UBE2Z: variants seen among roughly 807,000 people sequenced by gnomAD.
UBE2Z encodes ubiquitin conjugating enzyme E2 Z.
In UBE2Z, 10 loss-of-function variants were observed where a neutral mutation model predicts 32.6. The ratio of observed to expected loss-of-function variants is 0.31; its 90% CI spans 0.19 to 0.52. The LOEUF is 0.52. Among genes scored for constraint, UBE2Z ranks in the 20% least tolerant of loss-of-function variants. The pLI is 0.97. For synonymous variants in UBE2Z, 183 were observed against 190.8 expected (o/e 0.96, Z 0.34); for missense variants, 343 against 480.9 (o/e 0.71, Z 2.68).
At chr17:48,908,893 C>T (rs1341581841) in intron 1 of UBE2Z, 73 bp downstream of exon 1, 32 of 1,075,958 alleles carry the variant, frequency 3.0e-5, no homozygotes, top group Non-Finnish European at 3.6e-5. Flanking sequence ...CCCTCTCCCA[C>T]TACAACTCAC....
chr17:48,921,460 G>T (rs1232422201), intron 5 of UBE2Z, among the ~76,000 whole-genome samples, 188 bp downstream of exon 5: 1 of 152,062 alleles, frequency 6.6e-6, no homozygotes, highest in Non-Finnish European at 1.5e-5. Flanking sequence ...TGTTGTTGGA[G>T]AATGCCATGC....
At chr17:48,910,614 T>C (rs1216869535) in intron 1 of UBE2Z, 194 bp from the exon 2 acceptor site, 1 of 480,662 alleles carries the variant, frequency 2.1e-6, no homozygotes, top group East Asian at 3.0e-5. Context: ...TTGATAATAA[T>C]TTGCTCTCTG....
chr17:48,913,499 C>T (rs1343157770), intron 3 of UBE2Z, among the ~76,000 whole-genome samples: 3 of 152,186 alleles, frequency 2.0e-5, no homozygotes, highest in South Asian at 2.1e-4. Context: ...GGGCTACAGG[C>T]GTGCACCACC....
At chr17:48,911,747 T>C (rs1479628582) in intron 2 of UBE2Z, 1 of 152,232 alleles carries the variant, frequency 6.6e-6, no homozygotes, top group African/African-American at 2.4e-5. Flanking sequence ...GCCTAGTACC[T>C]GGGGTCCCAG....
At chr17:48,917,609 A>G (rs2040729831) in intron 4 of UBE2Z, among the ~76,000 whole-genome samples, 1 of 152,214 alleles carries the variant, frequency 6.6e-6, no homozygotes, top group Non-Finnish European at 1.5e-5. Context: ...AGTGCCAACG[A>G]GAAGGTGGAG....
chr17:48,923,307 C>CGA (rs1194570992), intron 6 of UBE2Z, among the ~76,000 whole-genome samples: 1 of 120,422 alleles, frequency 8.3e-6, no homozygotes, highest in Non-Finnish European at 1.6e-5. Context: ...GACAACAGAC[C>CGA]GAGACTCTGT....
intron 6 of UBE2Z, among the ~76,000 whole-genome samples, chr17:48,925,142 A>G (rs977670506): frequency 1.1e-4 from 16 of 151,800 alleles, no homozygotes; most frequent in African/African-American, 3.6e-4. Flanking sequence ...AATTAGCCAG[A>G]TGTAGTGGTG....
intron 4 of UBE2Z, among the ~76,000 whole-genome samples, chr17:48,918,169 C>T (rs933553180): frequency 8.0e-4 from 122 of 151,668 alleles, no homozygotes; most frequent in African/African-American, 2.9e-3. Flanking sequence ...AATTTCGGAC[C>T]TCAGGTGATC....
Position 48,916,151 on chromosome 17 carries a change from T to C in UBE2Z, c.654T>C (p.Thr218=). 1 of 1,583,546 alleles carries C rather than the reference T, an allele frequency of 6.3e-7. No individual in the cohort carries two copies. The highest frequency in any genetic ancestry group is 8.6e-7 in the Non-Finnish European group (1 of 1,167,120). ...TCATCTCTATCCAGTCCCTGATGAC[T>C]GAGAACCCCTATCACAATGAGCCCG... The part of the protein sequence containing the change: ...SVLISIQSLM[T]ENPYHNEPGF... The change falls in exon 4 of 7, where the codon ACT becomes ACC. Residue 218 remains threonine, a synonymous_variant. Transcript: ENST00000360943.
chr17:48,924,698 T>G lies in UBE2Z; in HGVS notation c.894+1761T>G, dbSNP rs138392579. Among the ~76,000 whole-genome samples, 666 of 151,156 alleles carry G rather than the reference T, an allele frequency of 4.4e-3. 2 individuals carry two copies. The highest frequency in any genetic ancestry group is 0.031 in the Middle Eastern group (9 of 286). ...CCATCTCTACTAAAAATACAAAAAT[T>G]AGCCAGGCATGATGGCTCATGCCTG... On this transcript the variant is annotated intron_variant, in intron 6 of 6. Coordinates refer to ENST00000360943, the MANE Select transcript of UBE2Z (RefSeq NM_023079.5).
At chr17:48,922,071 C>G (rs1008628516) in intron 5 of UBE2Z, among the ~76,000 whole-genome samples, 1 of 152,100 alleles carries the variant, frequency 6.6e-6, no homozygotes, top group Non-Finnish European at 1.5e-5. Flanking sequence ...ACTCATAATT[C>G]CTGATGTGTA....
chr17:48,910,592 A>C, intron 1 of UBE2Z: 1 of 444,674 alleles, frequency 2.2e-6, no homozygotes, highest in Non-Finnish European at 4.1e-6. Context: ...CCCCTGAGGA[A>C]ACAATGCCCT....
chr17:48,925,281 CAAAAA>C (rs200181647), intron 6 of UBE2Z, among the ~76,000 whole-genome samples: 4 of 108,276 alleles, frequency 3.7e-5, no homozygotes, highest in African/African-American at 8.2e-5. Flanking sequence ...GACTCCACCT[CAAAAA>C]AAAAAAAAAA....
intron 4 of UBE2Z, among the ~76,000 whole-genome samples, chr17:48,920,411 C>T (rs181099411): frequency 7.9e-5 from 12 of 152,100 alleles, no homozygotes; most frequent in Non-Finnish European, 7.4e-5. Flanking sequence ...ACAGGAGAAT[C>T]GCTTGAACCC....
chr17:48,921,085 T>C (rs944259622), intron 4 of UBE2Z, 75 bp from the exon 5 acceptor site: 2 of 1,215,872 alleles, frequency 1.6e-6, no homozygotes, highest in South Asian at 1.3e-5. Flanking sequence ...TACCCCATAC[T>C]AATCTTGAAG....
At chr17:48,915,996 G>A in intron 3 of UBE2Z, 80 bp from the exon 4 acceptor site, 1 of 811,814 alleles carries the variant, frequency 1.2e-6, no homozygotes, top group Non-Finnish European at 1.9e-6. Flanking sequence ...AGTCACTTAT[G>A]GTGGTGTTGC....
chr17:48,916,274 GAGAC>G lies in UBE2Z; in HGVS notation c.690+91_690+94del, dbSNP rs2040719628. The G allele has an allele frequency of 7.5e-6, 3 of 401,740 alleles. No individual in the cohort carries two copies. In the African/African-American group the frequency reaches 1.2e-4, roughly 16 times the overall value. 24.9% of individuals were successfully genotyped at this position (401,740 alleles called of 1,614,324 possible). ...GGTTTTTTTGTTTTTTTTTTTTTTT[GAGAC>G]AGAGTCTTCCTCTGTCACCTAGGCT... On this transcript the variant is annotated intron_variant, in intron 4 of 6. Transcript: ENST00000360943.
In UBE2Z at chr17:48,927,992, T is replaced by C. The variant is rs1273830495; in HGVS notation, c.*858T>C. 6.6e-6 allele frequency: 1 copy of C among 152,324 alleles called. No individual in the cohort carries two copies. The highest frequency in any genetic ancestry group is 1.5e-5 in the Non-Finnish European group (1 of 68,068). 9.4% of individuals were successfully genotyped at this position (152,324 alleles called of 1,614,324 possible). A position where few individuals can be genotyped will look rare whatever the true frequency, so the allele number is the denominator to read the frequency against. ...AGAGCCACTACATAGAATAGTCTCTTACAGATTTTCATAAATACTAGTCAC... is the reference window on the plus strand; with the variant it reads ...AGAGCCACTACATAGAATAGTCTCTCACAGATTTTCATAAATACTAGTCAC... On this transcript the variant is annotated 3_prime_UTR_variant, in exon 7 of 7. Coordinates refer to ENST00000360943, the MANE Select transcript of UBE2Z (RefSeq NM_023079.5).
intron 3 of UBE2Z, chr17:48,915,804 C>A: frequency 2.7e-6 from 1 of 366,334 alleles, no homozygotes; most frequent in Non-Finnish European, 4.9e-6. Context: ...ATTGTCGTAA[C>A]TGTTTCTAGT....
Sources: allele counts gnomAD v4.1 joint callset (sites outside exome capture counted in the v4.1 genomes callset), GRCh38; gene constraint gnomAD v4.1.1; transcripts MANE v1.5; gene names NCBI Gene and HGNC (gene_info 2026-07-23, HGNC 2026-07-21).